Variants in ROR2 observed in about 807,000 individuals in gnomAD.
The protein encoded by ROR2 is ROR family WNT receptor 2.
In ROR2, 33 loss-of-function variants were observed where a neutral mutation model predicts 74.9. The observed-to-expected ratio is 0.44, with a 90% CI of 0.33 to 0.59. ROR2 has a LOEUF of 0.59. ROR2 is among the 20% of genes least tolerant of loss of function. ROR2 has a pLI of 0.02. For missense variants in ROR2, 1,216 were observed against 1,313.8 expected, an observed-to-expected ratio of 0.93 and a Z score of 1.15; for synonymous variants, 586 against 558.7, an observed-to-expected ratio of 1.05 and a Z score of -0.69.
chr9:91,857,298 C>T (rs950234002), intron 1 of ROR2, among the ~76,000 whole-genome samples: 1 of 152,208 alleles, frequency 6.6e-6, no homozygotes, highest in Non-Finnish European at 1.5e-5. Flanking sequence ...TGCACAGGAA[C>T]CACCCGCAGC....
chr9:91,802,025 A>G (rs956468715), intron 1 of ROR2, among the ~76,000 whole-genome samples: 2 of 150,296 alleles, frequency 1.3e-5, no homozygotes, highest in South Asian at 4.2e-4. Flanking sequence ...CATTTGCTTG[A>G]CGAAGCCCAT....
chr9:91,771,783 G>A lies in ROR2; in HGVS notation c.175+3958C>T, dbSNP rs76475985. 5.3e-3 allele frequency among the ~76,000 whole-genome samples: 802 copies of A among 152,038 alleles called. 6 individuals carry two copies. The highest frequency in any genetic ancestry group is 8.6e-3 in the Non-Finnish European group (587 of 67,998). ...AAGCTTCATGCCAAATACTGACCCA[G>A]GACATCTGAACAAAAACACATTTTC... is the stretch of plus-strand genomic sequence containing the variant. On this transcript the variant is annotated intron_variant, in intron 2 of 8. Coordinates refer to ENST00000375708, the MANE Select transcript of ROR2 (RefSeq NM_004560.4).
chr9:91,870,147 T>G (rs767815961), intron 1 of ROR2, among the ~76,000 whole-genome samples: 3 of 150,322 alleles, frequency 2.0e-5, no homozygotes, highest in African/African-American at 4.8e-5. Flanking sequence ...GGAGCAGAGC[T>G]GAAGACCCAA....
chr9:91,929,265 G>C (rs993028506), intron 1 of ROR2, among the ~76,000 whole-genome samples: 1 of 152,230 alleles, frequency 6.6e-6, no homozygotes, highest in Non-Finnish European at 1.5e-5. Flanking sequence ...GCCCACCCTG[G>C]AGGCTTTGTC....
intron 1 of ROR2, among the ~76,000 whole-genome samples, chr9:91,923,048 C>T (rs990992070): frequency 6.6e-6 from 1 of 152,082 alleles, no homozygotes; most frequent in Admixed American, 6.5e-5. Flanking sequence ...TCCCTCATGC[C>T]AAAGAATAGA....
chr9:91,885,075 C>A (rs940591071), intron 1 of ROR2, among the ~76,000 whole-genome samples: 2 of 152,102 alleles, frequency 1.3e-5, no homozygotes, highest in African/African-American at 4.8e-5. Flanking sequence ...GTTCTCAGAA[C>A]CCAACATTGC....
At chr9:91,880,350 G>A (rs73519130) in intron 1 of ROR2, among the ~76,000 whole-genome samples, 21,052 of 152,152 alleles carry the variant, frequency 0.14, 3,065 homozygotes, top group African/African-American at 0.37. Context: ...AGTCTGTGGT[G>A]CATTGTTACA....
At chr9:91,925,322 C>T (rs924795405) in intron 1 of ROR2, among the ~76,000 whole-genome samples, 1 of 152,146 alleles carries the variant, frequency 6.6e-6, no homozygotes, top group African/African-American at 2.4e-5. Flanking sequence ...CAAGAACGCA[C>T]TTCCCCCAAG....
chr9:91,948,942 A>T, intron 1 of ROR2: 1 of 983,628 alleles, frequency 1.0e-6, no homozygotes, highest in South Asian at 4.7e-5. Flanking sequence ...CGCCTCCTCC[A>T]GGCAACCTAG....
chr9:91,740,517 A>C (rs1227317647), intron 4 of ROR2, among the ~76,000 whole-genome samples: 5 of 148,120 alleles, frequency 3.4e-5, no homozygotes, highest in Admixed American at 6.8e-5. Context: ...ACGCCACTGC[A>C]CTCCAGCCTG....
chr9:91,732,983 G>T, intron 6 of ROR2, 139 bp downstream of exon 6: 2 of 847,338 alleles, frequency 2.4e-6, no homozygotes, highest in Non-Finnish European at 1.8e-6. Context: ...CTAGGCTGTG[G>T]GGCCCTCGGC....
chr9:91,855,426 C>G (rs190960378), intron 1 of ROR2, among the ~76,000 whole-genome samples: 8 of 152,190 alleles, frequency 5.3e-5, no homozygotes, highest in African/African-American at 1.7e-4. Flanking sequence ...TGGCCCTAGG[C>G]GAGGTCGGGA....
At chr9:91,857,489 C>T (rs1396576223) in intron 1 of ROR2, among the ~76,000 whole-genome samples, 1 of 152,242 alleles carries the variant, frequency 6.6e-6, no homozygotes, top group Admixed American at 6.5e-5. Flanking sequence ...TTTTTAAAAA[C>T]ATTCCAGTAG....
At chr9:91,878,672 A>G (rs1436375854) in intron 1 of ROR2, among the ~76,000 whole-genome samples, 1 of 152,236 alleles carries the variant, frequency 6.6e-6, no homozygotes, top group Non-Finnish European at 1.5e-5. Flanking sequence ...ATTCTCTGAG[A>G]AGCACACTCA....
chr9:91,843,598 A>G (rs1828844541), intron 1 of ROR2, among the ~76,000 whole-genome samples: 1 of 152,178 alleles, frequency 6.6e-6, no homozygotes, highest in Non-Finnish European at 1.5e-5. Flanking sequence ...CCCCAATCCC[A>G]CTAGCTTGCT....
rs1214708402 is a variant in ROR2 at position 91,887,963 on chromosome 9, T to C, written c.97+61904A>G. Among the ~76,000 whole-genome samples the C allele has an allele frequency of 3.3e-5, 5 of 152,126 alleles. No individual in the cohort carries two copies. The East Asian group carries it at 9.7e-4, about 29-fold the overall frequency. On this transcript the variant is annotated intron_variant, in intron 1 of 8. Coordinates refer to ENST00000375708, the MANE Select transcript of ROR2 (RefSeq NM_004560.4). Reference sequence around the variant, plus strand: ...CGAGCCACCACTCCCAGCTAATTTTTGTATTTTTAGTAGAGACGGGGTTTT... The same window carrying C: ...CGAGCCACCACTCCCAGCTAATTTTCGTATTTTTAGTAGAGACGGGGTTTT...
intron 1 of ROR2, among the ~76,000 whole-genome samples, chr9:91,835,718 T>C (rs907527076): frequency 2.6e-5 from 4 of 152,172 alleles, no homozygotes; most frequent in African/African-American, 9.7e-5. Flanking sequence ...AGGGAAAAGC[T>C]ACCACTACTT....
At chr9:91,806,432 T>C (rs1827549351) in intron 1 of ROR2, among the ~76,000 whole-genome samples, 2 of 152,178 alleles carry the variant, frequency 1.3e-5, no homozygotes, top group Admixed American at 6.5e-5. Flanking sequence ...CCAAGGTCCC[T>C]ACACCTCCTA....
intron 1 of ROR2, among the ~76,000 whole-genome samples, chr9:91,897,576 A>G (rs2119419382): frequency 6.9e-6 from 1 of 145,264 alleles, no homozygotes; most frequent in East Asian, 2.3e-4. Context: ...GTGGGGGGGT[A>G]TTCCAGGTGG....
Sources: allele counts gnomAD v4.1 joint callset (sites outside exome capture counted in the v4.1 genomes callset), GRCh38; gene constraint gnomAD v4.1.1; transcripts MANE v1.5; gene names NCBI Gene and HGNC (gene_info 2026-07-23, HGNC 2026-07-21).